The following RPS6KC1 variants were observed in gnomAD, a reference collection of about 807,000 sequenced individuals.
The protein encoded by RPS6KC1 is inactive ribosomal protein S6 kinase delta-1.
RPS6KC1 carries 54 observed loss-of-function variants against 103.8 expected under a neutral mutation model. That is an observed-to-expected ratio of 0.52 (90% CI 0.42 to 0.65). The LOEUF is 0.65. RPS6KC1 is among the 30% of genes least tolerant of loss of function. The probability of loss-of-function intolerance (pLI) is 0.00; values close to 1 mark genes in which losing one functional copy is unlikely to be tolerated. For synonymous variants in RPS6KC1, 439 were observed against 438.7 expected, an observed-to-expected ratio of 1.00 and a Z score of -0.01; for missense variants, 1,151 against 1,253.8, an observed-to-expected ratio of 0.92 and a Z score of 1.24.
Position 213,190,879 on chromosome 1 carries a change from C to G in RPS6KC1, c.1044+14387C>G, listed in dbSNP as rs993269033. Among the ~76,000 whole-genome samples, 3 of 152,060 alleles carry G rather than the reference C, an allele frequency of 2.0e-5. No individual in the cohort carries two copies. In the South Asian group the frequency reaches 6.2e-4, roughly 31 times the overall value. On this transcript the variant is annotated intron_variant, in intron 8 of 14. Transcript: ENST00000366960. Reference sequence around the variant, plus strand: ...CTTTTGCATATGGATATTCGGTTTTCCCAGCACTGTGTATTGAAGAGGTTG... The same window carrying G: ...CTTTTGCATATGGATATTCGGTTTTGCCAGCACTGTGTATTGAAGAGGTTG...
At chr1:213,521,200 C>T in the RPS6KC1 span, among the ~76,000 whole-genome samples, 2 of 152,030 alleles carry the variant, frequency 1.3e-5, no homozygotes, top group African/African-American at 4.8e-5. Flanking sequence ...GGGTCCAGAC[C>T]ACCACAATAA....
the RPS6KC1 span, among the ~76,000 whole-genome samples, chr1:213,323,966 C>T: frequency 6.6e-6 from 1 of 152,176 alleles, no homozygotes; most frequent in East Asian, 1.9e-4. Context: ...TAGTATCATA[C>T]AGAATATTTC....
At chr1:213,659,937 A>T in the RPS6KC1 span, among the ~76,000 whole-genome samples, 2 of 152,218 alleles carry the variant, frequency 1.3e-5, no homozygotes, top group African/African-American at 4.8e-5. Flanking sequence ...CATTGAACTT[A>T]TTCCTTTAAG....
At chr1:213,223,398 A>G (rs1247176463) in intron 8 of RPS6KC1, among the ~76,000 whole-genome samples, 1 of 152,146 alleles carries the variant, frequency 6.6e-6, no homozygotes, top group East Asian at 1.9e-4. Context: ...GAAGTCCATT[A>G]TATCACTCTT....
At chr1:213,051,570 G>C (rs879160826) in intron 1 of RPS6KC1, 61 bp downstream of exon 1, 2 of 1,227,628 alleles carry the variant, frequency 1.6e-6, no homozygotes, top group Non-Finnish European at 2.4e-6. Context: ...CTGGGGTGGG[G>C]ACCCTGATGT....
At chr1:213,386,031 G>A in the RPS6KC1 span, among the ~76,000 whole-genome samples, 9 of 152,326 alleles carry the variant, frequency 5.9e-5, no homozygotes, top group South Asian at 1.9e-3. Flanking sequence ...CAATGTTGGA[G>A]GTGGGGCCTG....
chr1:213,234,499 TG>T (rs1438457944), intron 10 of RPS6KC1, among the ~76,000 whole-genome samples: 1 of 152,110 alleles, frequency 6.6e-6, no homozygotes, highest in Non-Finnish European at 1.5e-5. Context: ...AAGTTCTGAA[TG>T]GCAAAAGAAA....
At chr1:213,561,196 GC>G in the RPS6KC1 span, among the ~76,000 whole-genome samples, 1 of 152,250 alleles carries the variant, frequency 6.6e-6, no homozygotes, top group Non-Finnish European at 1.5e-5. Context: ...CCTCATGACT[GC>G]CCCCTTATAG....
At chr1:213,781,512 TA>T in the RPS6KC1 span, among the ~76,000 whole-genome samples, 1 of 152,190 alleles carries the variant, frequency 6.6e-6, no homozygotes, top group Non-Finnish European at 1.5e-5. Flanking sequence ...ATGGAAATTT[TA>T]GGGAAATCAT....
intron 10 of RPS6KC1, among the ~76,000 whole-genome samples, chr1:213,237,524 T>G (rs1042826096): frequency 6.6e-6 from 1 of 152,022 alleles, no homozygotes; most frequent in Non-Finnish European, 1.5e-5. Context: ...TACATACATG[T>G]TTTTGTTGTA....
the RPS6KC1 span, among the ~76,000 whole-genome samples, chr1:213,406,290 T>TG: frequency 6.6e-6 from 1 of 152,334 alleles, no homozygotes; most frequent in South Asian, 2.1e-4. Context: ...ACTGGAAGTT[T>TG]GATGATGGTA....
At chr1:213,839,496 C>T in the RPS6KC1 span, among the ~76,000 whole-genome samples, 2 of 152,110 alleles carry the variant, frequency 1.3e-5, no homozygotes, top group South Asian at 2.1e-4. Context: ...TATTCAAACT[C>T]GCATTTTAAG....
chr1:213,423,058 C>T, the RPS6KC1 span, among the ~76,000 whole-genome samples: 2 of 152,270 alleles, frequency 1.3e-5, no homozygotes, highest in African/African-American at 4.8e-5. Context: ...AGGAGCTCTG[C>T]AGACATGTGC....
the RPS6KC1 span, among the ~76,000 whole-genome samples, chr1:213,362,197 G>A: frequency 3.3e-5 from 5 of 152,268 alleles, no homozygotes; most frequent in Non-Finnish European, 7.4e-5. Flanking sequence ...CCAGATGTTT[G>A]CTGAAAGTTT....
the RPS6KC1 span, among the ~76,000 whole-genome samples, chr1:213,594,701 C>T: frequency 4.0e-5 from 6 of 151,878 alleles, no homozygotes; most frequent in Non-Finnish European, 8.8e-5. Flanking sequence ...AAGTCCTCTA[C>T]GTATCTACAC....
At chr1:213,470,188 T>C in the RPS6KC1 span, among the ~76,000 whole-genome samples, 1 of 152,264 alleles carries the variant, frequency 6.6e-6, no homozygotes, top group Non-Finnish European at 1.5e-5. Flanking sequence ...TCACACTTAG[T>C]TGATATGGCT....
chr1:213,469,841 AC>A, the RPS6KC1 span, among the ~76,000 whole-genome samples: 2 of 152,168 alleles, frequency 1.3e-5, no homozygotes, highest in Admixed American at 6.5e-5. Flanking sequence ...ACATATCAAG[AC>A]CCCATCTCTA....
the RPS6KC1 span, chr1:213,820,709 C>A: frequency 6.6e-6 from 1 of 152,164 alleles, no homozygotes; most frequent in Non-Finnish European, 1.5e-5. Context: ...GAGAGAGGAA[C>A]CCCAGCATTT....
At chr1:213,725,445 A>T in the RPS6KC1 span, among the ~76,000 whole-genome samples, 1 of 152,210 alleles carries the variant, frequency 6.6e-6, no homozygotes, top group Non-Finnish European at 1.5e-5. Flanking sequence ...AGGACAAGAG[A>T]AGCCCTTGTT....
Sources: gnomAD v4.1 joint callset for allele counts (sites outside exome capture counted in the v4.1 genomes callset) on GRCh38, gnomAD v4.1.1 for gene constraint, MANE v1.5 for transcripts, NCBI Gene and HGNC (gene_info 2026-07-23, HGNC 2026-07-21) for gene names.